The following ANKS1B variants were observed in gnomAD, a reference collection of about 807,000 sequenced individuals.
The protein encoded by ANKS1B is ankyrin repeat and sterile alpha motif domain containing 1B.
Under a neutral mutation model 148.3 loss-of-function variants are expected in ANKS1B, and 36 were observed. The observed-to-expected ratio is 0.24, with a 90% CI of 0.19 to 0.32. The LOEUF is 0.32. ANKS1B is among the 10% of genes least tolerant of loss of function. The pLI, the probability that ANKS1B is intolerant of heterozygous loss-of-function variation, is 1.00. For missense variants in ANKS1B, 1,157 were observed against 1,542.6 expected (o/e 0.75, Z 4.19); for synonymous variants, 542 against 560.8 (o/e 0.97, Z 0.47).
At chr12:99,918,936 C>A (rs2094259842) in intron 1 of ANKS1B, among the ~76,000 whole-genome samples, 1 of 152,108 alleles carries the variant, frequency 6.6e-6, no homozygotes, top group Non-Finnish European at 1.5e-5. Context: ...CATTTTTGAA[C>A]AACAGTTAAC....
chr12:99,832,456 G>A (rs1315106834), intron 1 of ANKS1B, among the ~76,000 whole-genome samples: 1 of 152,018 alleles, frequency 6.6e-6, no homozygotes, highest in African/African-American at 2.4e-5. Flanking sequence ...AGGGGTAGCG[G>A]CGGGTGCTTG....
intron 17 of ANKS1B, among the ~76,000 whole-genome samples, chr12:98,998,575 G>A (rs2099931067): frequency 6.6e-6 from 1 of 152,114 alleles, no homozygotes; most frequent in African/African-American, 2.4e-5. Flanking sequence ...TGATAAAATG[G>A]TGGTCTATGT....
chr12:99,325,740 C>T (rs1357488716), intron 12 of ANKS1B, among the ~76,000 whole-genome samples: 1 of 152,044 alleles, frequency 6.6e-6, no homozygotes, highest in East Asian at 1.9e-4. Context: ...GGAGATGGAG[C>T]ATGGTTTTAT....
intron 17 of ANKS1B, among the ~76,000 whole-genome samples, chr12:99,007,531 A>G (rs1200313169): frequency 2.6e-5 from 4 of 152,260 alleles, no homozygotes; most frequent in East Asian, 1.9e-4. Context: ...ACATCTCTCA[A>G]TGACATCTTG....
intron 12 of ANKS1B, among the ~76,000 whole-genome samples, chr12:99,286,032 A>C (rs1450412425): frequency 6.6e-6 from 1 of 152,030 alleles, no homozygotes; most frequent in Non-Finnish European, 1.5e-5. Context: ...GCTCAGAGTC[A>C]GTGAATTTGG....
intron 17 of ANKS1B, among the ~76,000 whole-genome samples, chr12:98,897,416 G>A (rs2099766293): frequency 6.6e-6 from 1 of 151,884 alleles, no homozygotes; most frequent in Non-Finnish European, 1.5e-5. Flanking sequence ...AAGGACATGA[G>A]CAGACATTTC....
intron 17 of ANKS1B, among the ~76,000 whole-genome samples, chr12:99,046,416 A>G (rs2099962367): frequency 6.6e-6 from 1 of 152,196 alleles, no homozygotes; most frequent in Non-Finnish European, 1.5e-5. Context: ...TTAGAAGACA[A>G]AGATATTAAA....
chr12:99,501,532 CCT>C (rs920577853), intron 10 of ANKS1B, among the ~76,000 whole-genome samples: 1 of 152,140 alleles, frequency 6.6e-6, no homozygotes, highest in Non-Finnish European at 1.5e-5. Flanking sequence ...TTTCCCACCC[CCT>C]GACCTGCCTT....
chr12:99,317,318 T>C (rs1171642098), intron 12 of ANKS1B, among the ~76,000 whole-genome samples: 2 of 152,178 alleles, frequency 1.3e-5, no homozygotes, highest in African/African-American at 2.4e-5. Flanking sequence ...TGTTCTTCCA[T>C]TTGTATCCTC....
At chr12:99,779,997 A>G (rs1410464664) in intron 5 of ANKS1B, 25 bp from the exon 6 acceptor site, 2 of 1,478,258 alleles carry the variant, frequency 1.4e-6, no homozygotes, top group Middle Eastern at 1.7e-4. Context: ...AAAACTCACT[A>G]GATATACACC....
At chr12:99,208,764 G>T (rs954254867) in intron 14 of ANKS1B, among the ~76,000 whole-genome samples, 2 of 152,046 alleles carry the variant, frequency 1.3e-5, no homozygotes, top group African/African-American at 4.8e-5. Context: ...AAGAGTTATG[G>T]TTTTTTATGG....
At chr12:99,538,373 A>G (rs893272147) in intron 9 of ANKS1B, among the ~76,000 whole-genome samples, 3 of 152,138 alleles carry the variant, frequency 2.0e-5, no homozygotes, top group African/African-American at 7.2e-5. Flanking sequence ...AATAATATTG[A>G]GTCTTCCAAT....
chr12:99,460,710 C>T (rs1018208472), intron 10 of ANKS1B, among the ~76,000 whole-genome samples: 63 of 148,966 alleles, frequency 4.2e-4, no homozygotes, highest in Non-Finnish European at 7.2e-4. Flanking sequence ...CCACCTTACT[C>T]CTGCAAGAAT....
chr12:99,842,222 G>A (rs2085859211), intron 1 of ANKS1B, among the ~76,000 whole-genome samples: 1 of 151,960 alleles, frequency 6.6e-6, no homozygotes, highest in Non-Finnish European at 1.5e-5. Context: ...GAAAATTATA[G>A]TTGTTTTTTA....
At chr12:99,423,584 T>C (rs981014989) in intron 11 of ANKS1B, among the ~76,000 whole-genome samples, 3 of 152,066 alleles carry the variant, frequency 2.0e-5, no homozygotes, top group African/African-American at 7.2e-5. Flanking sequence ...GGGATCAACA[T>C]AAATGCCTGT....
chr12:99,639,427 G>A (rs1273157684), intron 9 of ANKS1B, among the ~76,000 whole-genome samples: 1 of 152,128 alleles, frequency 6.6e-6, no homozygotes, highest in Non-Finnish European at 1.5e-5. Flanking sequence ...AGACTTTGGG[G>A]GACTGCTGGA....
At chr12:99,436,620 G>A (rs1323007411) in intron 11 of ANKS1B, among the ~76,000 whole-genome samples, 1 of 151,950 alleles carries the variant, frequency 6.6e-6, no homozygotes, top group Non-Finnish European at 1.5e-5. Context: ...TTCTGGATTT[G>A]GCAAGAATTT....
intron 1 of ANKS1B, among the ~76,000 whole-genome samples, chr12:99,836,158 C>T (rs56696905): frequency 3.3e-5 from 5 of 152,258 alleles, no homozygotes; most frequent in South Asian, 4.1e-4. Flanking sequence ...CCATGAGCCA[C>T]ATCCAGTCCA....
chr12:99,838,001 T>C (rs541587955), intron 1 of ANKS1B, among the ~76,000 whole-genome samples: 2 of 152,300 alleles, frequency 1.3e-5, no homozygotes, highest in East Asian at 3.9e-4. Context: ...TACATATTAT[T>C]TAGCTCCCAT....
Sources: gnomAD v4.1 joint callset for allele counts (sites outside exome capture counted in the v4.1 genomes callset) on GRCh38, gnomAD v4.1.1 for gene constraint, MANE v1.5 for transcripts, NCBI Gene and HGNC (gene_info 2026-07-23, HGNC 2026-07-21) for gene names.